MALRD1: variants seen among roughly 807,000 people sequenced by gnomAD.
The protein encoded by MALRD1 is MAM and LDL-receptor class A domain-containing protein 1.
MALRD1 carries 247 observed loss-of-function variants against 242.1 expected under a neutral mutation model. That is an observed-to-expected ratio of 1.02 (90% CI 0.92 to 1.13). The LOEUF (loss-of-function observed/expected upper bound fraction) is 1.13, where lower values mean the gene tolerates loss of function less well. Ranked by LOEUF, MALRD1 falls within the 50% of genes most tolerant of loss-of-function variation. The pLI, the probability that MALRD1 is intolerant of heterozygous loss-of-function variation, is 0.00. For missense variants in MALRD1, 2,989 were observed against 2,533.1 expected (o/e 1.18, Z -3.86); for synonymous variants, 995 against 866.6 (o/e 1.15, Z -2.60).
At chr10:19,548,509 C>G (rs1207534369) in intron 32 of MALRD1, among the ~76,000 whole-genome samples, 1 of 152,142 alleles carries the variant, frequency 6.6e-6, no homozygotes, top group East Asian at 1.9e-4. Context: ...ATGTGACTGG[C>G]CTGAATCATC....
intron 36 of MALRD1, among the ~76,000 whole-genome samples, chr10:19,616,947 C>T (rs535685051): frequency 1.4e-4 from 21 of 151,934 alleles, no homozygotes; most frequent in Admixed American, 2.6e-4. Flanking sequence ...TATCAGTTTC[C>T]GTGGAAATTA....
At chr10:19,147,685 T>A (rs1382707698) in intron 11 of MALRD1, among the ~76,000 whole-genome samples, 1 of 152,156 alleles carries the variant, frequency 6.6e-6, no homozygotes, top group Non-Finnish European at 1.5e-5. Context: ...CTTAAGTAGA[T>A]AAGCAAGGAA....
intron 14 of MALRD1, among the ~76,000 whole-genome samples, chr10:19,179,670 T>A (rs1337421664): frequency 6.6e-6 from 1 of 151,942 alleles, no homozygotes; most frequent in Non-Finnish European, 1.5e-5. Context: ...TCACAATATA[T>A]GTATTATAAA....
intron 32 of MALRD1, among the ~76,000 whole-genome samples, chr10:19,532,685 A>T (rs368746866): frequency 1.9e-4 from 29 of 152,252 alleles, no homozygotes; most frequent in African/African-American, 6.7e-4. Flanking sequence ...CAGCGACAGA[A>T]ATTGAAACTC....
intron 31 of MALRD1, among the ~76,000 whole-genome samples, chr10:19,516,024 G>A (rs1027441132): frequency 7.2e-5 from 11 of 152,110 alleles, no homozygotes; most frequent in African/African-American, 1.7e-4. Flanking sequence ...ACTAGCTATC[G>A]TCTTAAGTTA....
At chr10:19,689,597 C>G (rs973343713) in intron 36 of MALRD1, among the ~76,000 whole-genome samples, 3 of 151,982 alleles carry the variant, frequency 2.0e-5, no homozygotes, top group African/African-American at 7.2e-5. Context: ...AACCATGTTT[C>G]TACCTTACAA....
chr10:19,606,569 T>C (rs1168097801), intron 34 of MALRD1, among the ~76,000 whole-genome samples: 1 of 152,146 alleles, frequency 6.6e-6, no homozygotes, highest in African/African-American at 2.4e-5. Context: ...ATCCAGACTT[T>C]CTGACAAAAT....
intron 36 of MALRD1, among the ~76,000 whole-genome samples, chr10:19,664,302 T>C (rs941306730): frequency 2.0e-5 from 3 of 152,156 alleles, no homozygotes; most frequent in African/African-American, 7.2e-5. Context: ...TAATTTAATT[T>C]CTTTTGCTTT....
intron 31 of MALRD1, among the ~76,000 whole-genome samples, chr10:19,508,154 T>C (rs1008570186): frequency 6.6e-6 from 1 of 152,206 alleles, no homozygotes; most frequent in African/African-American, 2.4e-5. Context: ...ATGTTACATG[T>C]AACTACTGCA....
chr10:19,391,506 C>T (rs551089493), intron 28 of MALRD1, among the ~76,000 whole-genome samples: 20 of 152,274 alleles, frequency 1.3e-4, no homozygotes, highest in Non-Finnish European at 2.8e-4. Context: ...GATTCTGCCT[C>T]CAAATTCTTT....
chr10:19,454,745 C>G (rs1835552573), intron 29 of MALRD1, among the ~76,000 whole-genome samples: 1 of 146,566 alleles, frequency 6.8e-6, no homozygotes. Flanking sequence ...CACACACACA[C>G]ACACATTATA....
At chr10:19,522,315 G>T (rs1417860826) in intron 31 of MALRD1, among the ~76,000 whole-genome samples, 1 of 151,930 alleles carries the variant, frequency 6.6e-6, no homozygotes, top group Non-Finnish European at 1.5e-5. Flanking sequence ...GTAATTTTTG[G>T]CTGATAGTAG....
intron 21 of MALRD1, among the ~76,000 whole-genome samples, chr10:19,293,121 C>T (rs1841528523): frequency 6.6e-6 from 1 of 152,080 alleles, no homozygotes; most frequent in African/African-American, 2.4e-5. Flanking sequence ...TTTTATAGGC[C>T]AGTTTAGAAG....
intron 5 of MALRD1, among the ~76,000 whole-genome samples, chr10:19,119,923 C>T (rs1837002210): frequency 6.6e-6 from 1 of 151,046 alleles, no homozygotes; most frequent in Non-Finnish European, 1.5e-5. Context: ...AGATCTCTTT[C>T]ACTGTCTCAG....
chr10:19,296,618 G>A (rs1841714710), intron 21 of MALRD1, among the ~76,000 whole-genome samples: 1 of 152,038 alleles, frequency 6.6e-6, no homozygotes, highest in East Asian at 1.9e-4. Flanking sequence ...ATAAAGAACT[G>A]CACTATCATT....
intron 28 of MALRD1, among the ~76,000 whole-genome samples, chr10:19,392,068 A>G (rs558859883): frequency 8.5e-5 from 13 of 152,380 alleles, no homozygotes; most frequent in African/African-American, 3.1e-4. Flanking sequence ...CCATTGAACA[A>G]TAATTAATTG....
chr10:19,350,442 T>C (rs956705148), intron 25 of MALRD1, among the ~76,000 whole-genome samples: 2 of 151,726 alleles, frequency 1.3e-5, no homozygotes, highest in Non-Finnish European at 2.9e-5. Flanking sequence ...AGCTGTTTTT[T>C]GTTGTTGTAT....
At chr10:19,148,933 A>T (rs1450410518) in intron 11 of MALRD1, among the ~76,000 whole-genome samples, 2 of 151,750 alleles carry the variant, frequency 1.3e-5, no homozygotes, top group African/African-American at 2.4e-5. Context: ...AGGACCAGGA[A>T]GGGAAAGGAA....
intron 10 of MALRD1, among the ~76,000 whole-genome samples, chr10:19,143,967 C>T (rs190720539): frequency 1.7e-4 from 26 of 152,240 alleles, no homozygotes; most frequent in Admixed American, 3.9e-4. Flanking sequence ...AATGTTTTAT[C>T]AAGAGCCATA....
Sources: gnomAD v4.1 joint callset for allele counts (sites outside exome capture counted in the v4.1 genomes callset) on GRCh38, gnomAD v4.1.1 for gene constraint, MANE v1.5 for transcripts, NCBI Gene and HGNC (gene_info 2026-07-23, HGNC 2026-07-21) for gene names.